Variants in RCAN1 observed in about 807,000 individuals in gnomAD.
RCAN1 encodes regulator of calcineurin 1, also known as calcipressin-1.
Under a neutral mutation model 22.9 loss-of-function variants are expected in RCAN1, and 11 were observed. The observed-to-expected ratio is 0.48, with a 90% CI of 0.30 to 0.79. The LOEUF is 0.79. RCAN1 is among the 30% of genes least tolerant of loss of function. The pLI is 0.06. For missense variants in RCAN1, 291 were observed against 337.8 expected (o/e 0.86, Z 1.09); for synonymous variants, 136 against 142.3 (o/e 0.96, Z 0.32).
chr21:34,576,928 C>T (rs1258408159), intron 1 of RCAN1, among the ~76,000 whole-genome samples: 1 of 152,218 alleles, frequency 6.6e-6, no homozygotes, highest in African/African-American at 2.4e-5. Flanking sequence ...GTGCTAGGAG[C>T]TGGCAATACT....
intron 3 of RCAN1, 92 bp downstream of exon 3, chr21:34,521,407 A>G: frequency 6.3e-7 from 1 of 1,599,792 alleles, no homozygotes; most frequent in Non-Finnish European, 8.5e-7. Flanking sequence ...TGGGCTCAGG[A>G]GAGCTACGGG....
At chr21:34,581,228 A>G (rs779497476) in intron 1 of RCAN1, among the ~76,000 whole-genome samples, 1 of 152,108 alleles carries the variant, frequency 6.6e-6, no homozygotes, top group South Asian at 2.1e-4. Context: ...CAACGTCCCA[A>G]CCAAATCAAG....
intron 1 of RCAN1, among the ~76,000 whole-genome samples, chr21:34,547,003 C>T (rs1359150480): frequency 6.6e-6 from 1 of 152,152 alleles, no homozygotes; most frequent in Non-Finnish European, 1.5e-5. Flanking sequence ...TCCCCAAACC[C>T]TAGTTTGGGG....
intron 1 of RCAN1, among the ~76,000 whole-genome samples, chr21:34,556,657 G>T (rs184848027): frequency 4.0e-4 from 61 of 152,152 alleles, no homozygotes; most frequent in African/African-American, 1.3e-3. Flanking sequence ...GTTTATTTTT[G>T]CAATCATTGT....
intron 1 of RCAN1, chr21:34,526,752 T>C (rs558040269): frequency 6.8e-6 from 11 of 1,611,970 alleles, no homozygotes; most frequent in Non-Finnish European, 9.3e-6. Context: ...AAATGCATCT[T>C]GCTTTCTTAC....
chr21:34,556,303 C>T (rs1301328683), intron 1 of RCAN1, among the ~76,000 whole-genome samples: 1 of 150,426 alleles, frequency 6.6e-6, no homozygotes, highest in Non-Finnish European at 1.5e-5. Context: ...GTGTGCGCCT[C>T]TAGTCCCAGT....
intron 1 of RCAN1, chr21:34,525,052 G>A (rs1211261053): frequency 1.9e-6 from 3 of 1,549,816 alleles, no homozygotes; most frequent in South Asian, 1.2e-5. Flanking sequence ...CGCAGGGTGT[G>A]GATGGTAGGC....
chr21:34,594,246 T>C (rs1344922392), intron 1 of RCAN1, among the ~76,000 whole-genome samples: 3 of 151,472 alleles, frequency 2.0e-5, no homozygotes, highest in Non-Finnish European at 4.4e-5. Flanking sequence ...CTGAAAAAAA[T>C]GAGAATGTTT....
At chr21:34,595,158 C>T (rs1251052795) in intron 1 of RCAN1, among the ~76,000 whole-genome samples, 1 of 152,180 alleles carries the variant, frequency 6.6e-6, no homozygotes, top group Non-Finnish European at 1.5e-5. Flanking sequence ...GAAAACAGTG[C>T]CTGACACAGA....
rs141002838 is a variant in RCAN1, at chr21:34,600,303, T to C, written c.252+14457A>G. Among the ~76,000 whole-genome samples, 35 of 152,320 alleles carry C rather than the reference T, an allele frequency of 2.3e-4. 2 individuals carry two copies. The East Asian group carries it at 6.7e-3, about 29-fold the overall frequency. On this transcript the variant is annotated intron_variant, in intron 1 of 3. Transcript: ENST00000313806. Reference sequence around the variant, plus strand: ...TGGAAACCAGGGCAGCATTCAGAGATAGGAACCATCACAAGTTGATTTTGC... The same window carrying C: ...TGGAAACCAGGGCAGCATTCAGAGACAGGAACCATCACAAGTTGATTTTGC...
intron 1 of RCAN1, among the ~76,000 whole-genome samples, chr21:34,562,786 T>C (rs1404709005): frequency 2.0e-5 from 3 of 152,168 alleles, no homozygotes; most frequent in Non-Finnish European, 4.4e-5. Flanking sequence ...GCTTGTGCAG[T>C]GGTGATGAAG....
intron 1 of RCAN1, among the ~76,000 whole-genome samples, chr21:34,531,619 G>A (rs1985394645): frequency 6.6e-6 from 1 of 152,206 alleles, no homozygotes; most frequent in African/African-American, 2.4e-5. Context: ...CTCTCCCGCT[G>A]TATAAGCTTC....
At chr21:34,582,667 G>A (rs1256369570) in intron 1 of RCAN1, among the ~76,000 whole-genome samples, 1 of 152,182 alleles carries the variant, frequency 6.6e-6, no homozygotes, top group African/African-American at 2.4e-5. Context: ...TGGAGCCCGC[G>A]CTAAATGTGC....
chr21:34,565,661 TG>T (rs1259035601), intron 1 of RCAN1, among the ~76,000 whole-genome samples: 3 of 152,202 alleles, frequency 2.0e-5, no homozygotes, highest in Admixed American at 2.0e-4. Context: ...ACACAAGAAA[TG>T]GTGCCACTAC....
chr21:34,575,049 TCA>T (rs1987367240), intron 1 of RCAN1, among the ~76,000 whole-genome samples: 1 of 152,200 alleles, frequency 6.6e-6, no homozygotes, highest in Non-Finnish European at 1.5e-5. Context: ...GGGAGGAAAC[TCA>T]CAACTGCAAA....
intron 1 of RCAN1, among the ~76,000 whole-genome samples, chr21:34,610,891 T>C (rs1988669228): frequency 6.6e-6 from 1 of 152,240 alleles, no homozygotes; most frequent in East Asian, 1.9e-4. Context: ...TCACAAATCT[T>C]AGGTGAGTTG....
At chr21:34,555,141 A>G (rs564938699) in intron 1 of RCAN1, among the ~76,000 whole-genome samples, 2 of 152,308 alleles carry the variant, frequency 1.3e-5, no homozygotes, top group African/African-American at 4.8e-5. Context: ...ACATATGAAA[A>G]CAGTTTCACT....
chr21:34,547,894 T>C (rs1404560404), intron 1 of RCAN1, among the ~76,000 whole-genome samples: 1 of 152,204 alleles, frequency 6.6e-6, no homozygotes, highest in African/African-American at 2.4e-5. Flanking sequence ...TGGTGTTATG[T>C]TATAGCAACA....
At chr21:34,595,247 C>T (rs920065514) in intron 1 of RCAN1, among the ~76,000 whole-genome samples, 2 of 152,150 alleles carry the variant, frequency 1.3e-5, no homozygotes, top group Admixed American at 1.3e-4. Flanking sequence ...GTGGGTGTGG[C>T]ATAAATGGTG....
Sources: gnomAD v4.1 joint callset for allele counts (sites outside exome capture counted in the v4.1 genomes callset) on GRCh38, gnomAD v4.1.1 for gene constraint, MANE v1.5 for transcripts, NCBI Gene and HGNC (gene_info 2026-07-23, HGNC 2026-07-21) for gene names.